The following CACNA1D variants were observed in gnomAD, a reference collection of about 807,000 sequenced individuals.
CACNA1D encodes the protein voltage-dependent L-type calcium channel subunit alpha-1D.
CACNA1D carries 55 observed loss-of-function variants against 257.1 expected under a neutral mutation model. The ratio of observed to expected loss-of-function variants is 0.21; its 90% CI spans 0.17 to 0.27. CACNA1D has a LOEUF of 0.27. Among genes scored for constraint, CACNA1D ranks in the 10% least tolerant of loss-of-function variants. CACNA1D has a pLI of 1.00. For synonymous variants in CACNA1D, 980 were observed against 1,014.9 expected (o/e 0.97, Z 0.65); for missense variants, 1,876 against 2,784.0 (o/e 0.67, Z 7.34).
At chr3:53,520,900 T>TTTCTTTCTC (rs879622099) in intron 3 of CACNA1D, among the ~76,000 whole-genome samples, 1 of 98,592 alleles carries the variant, frequency 1.0e-5, no homozygotes, top group African/African-American at 3.9e-5. Flanking sequence ...CTTTCTTTTC[T>TTTCTTTCTC]TTTCTTTTCT....
In CACNA1D at chr3:53,812,583, A is replaced by G. The variant is rs1269978871; in HGVS notation, c.*1177A>G. On this transcript the variant is annotated 3_prime_UTR_variant, in exon 48 of 48. Coordinates refer to ENST00000350061, the MANE Select transcript of CACNA1D (RefSeq NM_001128840.3). ...TGGTTTTGTTTGTTTGACTTGAACC[A>G]CCCTCTGGTAAGTAAGTAAGTGAAT... 1 of 107,472 alleles carries G rather than the reference A, an allele frequency of 9.3e-6. No homozygotes were observed. The highest frequency in any genetic ancestry group is 4.4e-4 in the East Asian group (1 of 2,290). 6.7% of individuals were successfully genotyped at this position (107,472 alleles called of 1,614,324 possible).
intron 3 of CACNA1D, among the ~76,000 whole-genome samples, chr3:53,626,538 C>T (rs1428627138): frequency 6.6e-6 from 1 of 151,588 alleles, no homozygotes; most frequent in African/African-American, 2.4e-5. Context: ...GACTTCTAAC[C>T]TGAGCCGAGG....
intron 9 of CACNA1D, chr3:53,710,278 GGGCGTCCATTGCGTGAGGCAACCT>G: frequency 2.4e-6 from 1 of 414,840 alleles, no homozygotes; most frequent in Non-Finnish European, 4.9e-6. Flanking sequence ...TGGGGCAGGC[GGGCGTCCATTGCGTGAGGCAACCT>G]GGCTGGCAGG....
At chr3:53,743,607 G>A (rs768451795) in intron 22 of CACNA1D, among the ~76,000 whole-genome samples, 1 of 152,216 alleles carries the variant, frequency 6.6e-6, no homozygotes, top group African/African-American at 2.4e-5. Context: ...CAGCTAGGAG[G>A]GAGCCAAGGC....
intron 3 of CACNA1D, among the ~76,000 whole-genome samples, chr3:53,598,987 G>C (rs746813418): frequency 7.0e-6 from 1 of 142,474 alleles, no homozygotes; most frequent in Admixed American, 7.4e-5. Flanking sequence ...AGTTTTGGTG[G>C]AACAAGTTTG....
chr3:53,513,302 G>A (rs757903929), intron 3 of CACNA1D, among the ~76,000 whole-genome samples: 1 of 152,116 alleles, frequency 6.6e-6, no homozygotes, highest in Non-Finnish European at 1.5e-5. Context: ...TAGTGACATC[G>A]TAGTCATTGT....
chr3:53,807,864 C>T (rs1250008568), intron 45 of CACNA1D: 1 of 152,238 alleles, frequency 6.6e-6, no homozygotes, highest in Non-Finnish European at 1.5e-5. Context: ...GAATCTTTCC[C>T]AACAAAAATA....
Position 53,774,286 on chromosome 3 carries a change from G to T in CACNA1D, c.4111-301G>T, listed in dbSNP as rs1332847486. The T allele has an allele frequency of 7.6e-6, 3 of 392,790 alleles. No individual in the cohort carries two copies. The highest frequency in any genetic ancestry group is 6.2e-5 in the African/African-American group (3 of 48,658). The allele number at this position is 392,790 out of a possible 1,614,324, so 24.3% of individuals were successfully genotyped here. A position where few individuals can be genotyped will look rare whatever the true frequency, so the allele number is the denominator to read the frequency against. On this transcript the variant is annotated intron_variant, in intron 33 of 47. Transcript: ENST00000350061. The surrounding 1 kb of genome is among the most constrained non-coding windows in gnomAD (Gnocchi z 4.3). ...GAGCCTGTCTCACGCTTCCCTGTGT[G>T]TCTGGACCACCCCAGCATCATCACT...
At chr3:53,699,384 C>T (rs1301586198) in intron 8 of CACNA1D, among the ~76,000 whole-genome samples, 5 of 152,226 alleles carry the variant, frequency 3.3e-5, no homozygotes, top group Admixed American at 6.5e-5. Context: ...TTGAACTTCA[C>T]GTTGATACCA....
intron 5 of CACNA1D, among the ~76,000 whole-genome samples, chr3:53,664,889 T>C (rs2094244760): frequency 1.3e-5 from 2 of 152,234 alleles, no homozygotes; most frequent in African/African-American, 4.8e-5. Flanking sequence ...CACATTTTAC[T>C]GGGTAAAGGA....
At chr3:53,602,909 C>T (rs953699733) in intron 3 of CACNA1D, among the ~76,000 whole-genome samples, 1 of 152,206 alleles carries the variant, frequency 6.6e-6, no homozygotes, top group Non-Finnish European at 1.5e-5. Context: ...TACCTATTCA[C>T]TTTGTTGACT....
chr3:53,563,546 A>G (rs2092779230), intron 3 of CACNA1D, among the ~76,000 whole-genome samples: 1 of 152,002 alleles, frequency 6.6e-6, no homozygotes, highest in African/African-American at 2.4e-5. Flanking sequence ...AAAAAAAAAA[A>G]AAAAAAAAGT....
In CACNA1D at chr3:53,786,926, G is replaced by A; in HGVS notation, c.4897G>A (p.Ala1633Thr). Residue 1633 changes from alanine (A) to threonine (T), a missense_variant, in exon 40 of 48, where the codon GCG becomes ACG. Physicochemically the swap from Ala to Thr is moderately conservative, Grantham distance 58. Transcript: ENST00000350061. ...KEQGLVGKYP[A>T]KNTTIALQAG... ...ACAAGGACTGGTGGGAAAGTACCCT[G>A]CGAAGAACACCACAATTGCCCTACA... 2 of 1,614,160 alleles carry A rather than the reference G, an allele frequency of 1.2e-6. No individual in the cohort carries two copies. Among genetic ancestry groups the A allele is most frequent in the Non-Finnish European group, 1.7e-6 (2 of 1,179,996 alleles).
At chr3:53,558,587 T>C (rs910263176) in intron 3 of CACNA1D, among the ~76,000 whole-genome samples, 2 of 152,208 alleles carry the variant, frequency 1.3e-5, no homozygotes, top group Non-Finnish European at 2.9e-5. Context: ...TTCATCCCTC[T>C]GAGATTGTTC....
At chr3:53,586,792 C>CA (rs1483355808) in intron 3 of CACNA1D, among the ~76,000 whole-genome samples, 1 of 152,150 alleles carries the variant, frequency 6.6e-6, no homozygotes. Flanking sequence ...CTGCACTGAA[C>CA]CTAGGTCCTT....
chr3:53,564,741 G>A (rs2092803799), intron 3 of CACNA1D, among the ~76,000 whole-genome samples: 1 of 152,116 alleles, frequency 6.6e-6, no homozygotes, highest in Non-Finnish European at 1.5e-5. Context: ...GGCAAGTACT[G>A]TTGCTATTTC....
intron 4 of CACNA1D, among the ~76,000 whole-genome samples, chr3:53,657,778 ATT>A (rs1304663312): frequency 1.3e-5 from 2 of 152,218 alleles, no homozygotes; most frequent in African/African-American, 4.8e-5. Context: ...AATCCACTGG[ATT>A]TTTCCATTCC....
chr3:53,576,492 C>T (rs2093040376), intron 3 of CACNA1D, among the ~76,000 whole-genome samples: 1 of 152,190 alleles, frequency 6.6e-6, no homozygotes, highest in South Asian at 2.1e-4. Flanking sequence ...ACAAGAATCT[C>T]CATCCTCCAT....
intron 8 of CACNA1D, among the ~76,000 whole-genome samples, chr3:53,687,114 A>G (rs977817157): frequency 6.6e-6 from 1 of 152,046 alleles, no homozygotes; most frequent in East Asian, 1.9e-4. Flanking sequence ...ACTACAAAAC[A>G]CTGATTAGTA....
Sources: gnomAD v4.1 joint callset for allele counts (sites outside exome capture counted in the v4.1 genomes callset) on GRCh38, gnomAD v4.1.1 for gene constraint, Gnocchi (gnomAD v3.1) non-coding constraint, MANE v1.5 for transcripts, NCBI Gene and HGNC (gene_info 2026-07-23, HGNC 2026-07-21) for gene names.